AKAP10: variants seen among roughly 807,000 people sequenced by gnomAD.
AKAP10 encodes A-kinase anchoring protein 10.
Under a neutral mutation model 80.8 loss-of-function variants are expected in AKAP10, and 24 were observed. That is an observed-to-expected ratio of 0.30 (90% CI 0.22 to 0.42). The LOEUF (loss-of-function observed/expected upper bound fraction) is 0.42, where lower values mean the gene tolerates loss of function less well. Ranked by LOEUF, AKAP10 falls within the 10% of genes least tolerant of loss-of-function variation. The pLI, the probability that AKAP10 is intolerant of heterozygous loss-of-function variation, is 1.00. For missense variants in AKAP10, 661 were observed against 794.9 expected (o/e 0.83, Z 2.03); for synonymous variants, 291 against 277.7 (o/e 1.05, Z -0.48).
chr17:19,910,232 C>A lies in AKAP10; in HGVS notation c.1835-254G>T, dbSNP rs577468166. 2.0e-5 allele frequency among the ~76,000 whole-genome samples: 3 copies of A among 148,424 alleles called. No homozygotes were observed. In the South Asian group the frequency reaches 6.4e-4, roughly 32 times the overall value. On this transcript the variant is annotated intron_variant, in intron 12 of 14. Coordinates refer to ENST00000225737, the MANE Select transcript of AKAP10 (RefSeq NM_007202.4). Reference sequence around the variant, plus strand: ...ATCCCAGCTACTCAGGAGGCTGAGGCAGAAGAATTGCTTGAACCTGGGAGC... The same window carrying A: ...ATCCCAGCTACTCAGGAGGCTGAGGAAGAAGAATTGCTTGAACCTGGGAGC...
chr17:19,949,338 A>AT (rs2043171735), intron 4 of AKAP10, among the ~76,000 whole-genome samples: 1 of 152,094 alleles, frequency 6.6e-6, no homozygotes. Flanking sequence ...ATGAATAGAA[A>AT]TTTTCGAAGC....
rs2043127292 is a variant in AKAP10, at chr17:19,946,271, ATATATTTTTTTT to A, written c.976+1124_976+1135del. Among the ~76,000 whole-genome samples, 11 of 23,356 alleles carry A rather than the reference ATATATTTTTTTT, an allele frequency of 4.7e-4. No individual in the cohort carries two copies. The East Asian group carries it at 9.7e-3, about 21-fold the overall frequency. 15.3% of individuals were successfully genotyped at this position (23,356 alleles called of 152,430 possible). On this transcript the variant is annotated intron_variant, in intron 5 of 14. Coordinates refer to ENST00000225737, the MANE Select transcript of AKAP10 (RefSeq NM_007202.4). ...TATATATATATATATATATATATATATATATTTTTTTTTTTTTTTTTTTTTTTTGGCAGGGGG... is the reference window on the plus strand; with the variant it reads ...TATATATATATATATATATATATATATTTTTTTTTTTTTTTTGGCAGGGGG...
chr17:19,958,169 T>C lies in AKAP10; in HGVS notation c.722A>G (p.Glu241Gly), dbSNP rs1001025879. The change falls in exon 4 of 15, where the codon GAA becomes GGA. Residue 241 changes from glutamate (E) to glycine (G), a missense_variant. Transcript: ENST00000225737. ...ACGGAGAGAATGGGCACTGTCACAT[T>C]CCTGGGAAAGCAGCAAGTGATTCTG... is the stretch of plus-strand genomic sequence containing the variant. Reference protein sequence around the residue: ...STQNHLLLSQECDSAHSLRLE... With the variant: ...STQNHLLLSQGCDSAHSLRLE... The C allele has an allele frequency of 1.2e-6, 2 of 1,614,184 alleles. No individual in the cohort carries two copies. Among genetic ancestry groups the C allele is most frequent in the Non-Finnish European group, 1.7e-6 (2 of 1,180,038 alleles).
At chr17:19,911,240 C>G (rs1034283279) in intron 12 of AKAP10, among the ~76,000 whole-genome samples, 1 of 152,010 alleles carries the variant, frequency 6.6e-6, no homozygotes, top group Admixed American at 6.6e-5. Context: ...TCTCGTCAGG[C>G]CCCCCTGCAG....
intron 11 of AKAP10, among the ~76,000 whole-genome samples, chr17:19,921,867 T>C (rs1382933646): frequency 1.3e-5 from 2 of 152,106 alleles, no homozygotes; most frequent in Non-Finnish European, 2.9e-5. Context: ...TGAGTTATAG[T>C]AAATATTACA....
chr17:19,915,547 A>G (rs1220311209), intron 12 of AKAP10, among the ~76,000 whole-genome samples: 2 of 152,244 alleles, frequency 1.3e-5, no homozygotes, highest in African/African-American at 4.8e-5. Context: ...TTAAAGAGAC[A>G]TCTGGACAAC....
chr17:19,929,101 A>G (rs2042905134), intron 10 of AKAP10, among the ~76,000 whole-genome samples: 1 of 152,220 alleles, frequency 6.6e-6, no homozygotes, highest in Non-Finnish European at 1.5e-5. Flanking sequence ...AGTTGGCAAC[A>G]AAAGACCACA....
Position 19,905,097 on chromosome 17 carries a change from T to C in AKAP10, c.*1130A>G, listed in dbSNP as rs1008033106. ...AGAGAACTTTCTTTCCTCTCAATCA[T>C]GTGCATTGAGGAAGCGCTGGCGCCA... On this transcript the variant is annotated 3_prime_UTR_variant, in exon 15 of 15. Coordinates refer to ENST00000225737, the MANE Select transcript of AKAP10 (RefSeq NM_007202.4). 2 of 151,786 alleles carry C rather than the reference T, an allele frequency of 1.3e-5. No individual in the cohort carries two copies. The highest frequency in any genetic ancestry group is 2.4e-5 in the African/African-American group (1 of 41,338). 9.4% of individuals were successfully genotyped at this position (151,786 alleles called of 1,614,324 possible).
chr17:19,934,770 T>C (rs1361936237), intron 9 of AKAP10, among the ~76,000 whole-genome samples: 1 of 152,170 alleles, frequency 6.6e-6, no homozygotes, highest in Non-Finnish European at 1.5e-5. Flanking sequence ...CCCAGCACTT[T>C]CGGAGGCCAA....
chr17:19,960,960 AGGTTGCAGTGAGCCAAAAATT>A (rs1426289214), intron 3 of AKAP10, among the ~76,000 whole-genome samples: 1 of 151,914 alleles, frequency 6.6e-6, no homozygotes, highest in Non-Finnish European at 1.5e-5. Context: ...TGGGAGGCGG[AGGTTGCAGTGAGCCAAAAATT>A]GGGCCACTGC....
intron 5 of AKAP10, among the ~76,000 whole-genome samples, chr17:19,946,219 ATTTTAT>A (rs1465245267): frequency 1.9e-4 from 5 of 26,702 alleles, no homozygotes; most frequent in South Asian, 1.2e-3. Context: ...ATATATATAT[ATTTTAT>A]ATATATATAT....
intron 11 of AKAP10, among the ~76,000 whole-genome samples, chr17:19,922,266 T>C (rs175922): frequency 0.45 from 68,575 of 152,046 alleles, 16,993 homozygotes; most frequent in African/African-American, 0.66. Flanking sequence ...CAGTTTATTT[T>C]AGGCAAAGTG....
intron 10 of AKAP10, chr17:19,929,533 G>A (rs1227389462): frequency 6.6e-6 from 1 of 152,168 alleles, no homozygotes; most frequent in African/African-American, 2.4e-5. Context: ...TGATCTGGAT[G>A]CTGGGTCACA....
At chr17:19,922,893 C>T (rs570183801) in intron 11 of AKAP10, among the ~76,000 whole-genome samples, 1 of 152,270 alleles carries the variant, frequency 6.6e-6, no homozygotes, top group East Asian at 1.9e-4. Context: ...GAGCGAGACT[C>T]CGTCTCAAAA....
Position 19,938,218 on chromosome 17 carries a change from G to A in AKAP10, c.1322+1495C>T, listed in dbSNP as rs1057364938. On this transcript the variant is annotated intron_variant, in intron 8 of 14. Coordinates refer to ENST00000225737, the MANE Select transcript of AKAP10 (RefSeq NM_007202.4). ...CTGGGATTACAGGTGTGAGCCACCG[G>A]TACCCAGACTGAAAACCTATTTTTT... Among the ~76,000 whole-genome samples the A allele has an allele frequency of 2.2e-5, 3 of 134,504 alleles. No homozygotes were observed. In the East Asian group the frequency reaches 7.0e-4, roughly 31 times the overall value. The allele number at this position is 134,504 out of a possible 152,430, so 88.2% of individuals were successfully genotyped here. A position where few individuals can be genotyped will look rare whatever the true frequency, so the allele number is the denominator to read the frequency against.
At chr17:19,943,441 A>G (rs1379315645) in intron 5 of AKAP10, among the ~76,000 whole-genome samples, 1 of 152,190 alleles carries the variant, frequency 6.6e-6, no homozygotes, top group East Asian at 1.9e-4. Context: ...TGAAGTCTCC[A>G]CAAAAAACCC....
intron 2 of AKAP10, among the ~76,000 whole-genome samples, chr17:19,963,498 A>G (rs1005126614): frequency 2.6e-5 from 4 of 152,216 alleles, no homozygotes; most frequent in African/African-American, 9.6e-5. Flanking sequence ...AAAGCCAGAA[A>G]GCATTCTAAA....
intron 4 of AKAP10, among the ~76,000 whole-genome samples, chr17:19,956,943 A>G (rs559280965): frequency 6.6e-6 from 1 of 151,982 alleles, no homozygotes; most frequent in South Asian, 2.1e-4. Context: ...GAGGAAGGAA[A>G]TAACATGCTG....
intron 9 of AKAP10, among the ~76,000 whole-genome samples, chr17:19,934,337 T>C (rs1033913641): frequency 1.3e-5 from 2 of 152,134 alleles, no homozygotes; most frequent in Middle Eastern, 3.2e-3. Flanking sequence ...TAAGCTAACG[T>C]TGCGGCATAA....
Sources: gnomAD v4.1 joint callset for allele counts (sites outside exome capture counted in the v4.1 genomes callset) on GRCh38, gnomAD v4.1.1 for gene constraint, MANE v1.5 for transcripts, NCBI Gene and HGNC (gene_info 2026-07-23, HGNC 2026-07-21) for gene names.